LYPLAL1: variants seen among roughly 807,000 people sequenced by gnomAD.
LYPLAL1 encodes the protein lysophospholipase-like protein 1.
A neutral mutation model predicts 19.7 loss-of-function variants in LYPLAL1; 23 were observed. That is an observed-to-expected ratio of 1.17 (90% CI 0.84 to 1.65). The LOEUF (loss-of-function observed/expected upper bound fraction) is 1.65, where lower values mean the gene tolerates loss of function less well. LYPLAL1 is among the 40% of genes most tolerant of loss of function. The pLI, the probability that LYPLAL1 is intolerant of heterozygous loss-of-function variation, is 0.00. For missense variants in LYPLAL1, 355 were observed against 279.4 expected (o/e 1.27, Z -1.93); for synonymous variants, 119 against 96.3 (o/e 1.24, Z -1.38).
the LYPLAL1 span, among the ~76,000 whole-genome samples, chr1:219,320,869 T>G: frequency 3.3e-5 from 5 of 152,374 alleles, no homozygotes; most frequent in East Asian, 1.9e-4. Flanking sequence ...GTTCCAAGTC[T>G]TTGCTATTGT....
chr1:219,229,321 GAGAGAGAGAGAGA>G, the LYPLAL1 span, among the ~76,000 whole-genome samples: 1 of 145,682 alleles, frequency 6.9e-6, no homozygotes, highest in Non-Finnish European at 1.5e-5. Flanking sequence ...GAGAGAGAGA[GAGAGAGAGAGAGA>G]GAGACACGCA....
intron 3 of LYPLAL1, among the ~76,000 whole-genome samples, chr1:219,196,061 T>A (rs1351985361): frequency 6.6e-6 from 1 of 152,226 alleles, no homozygotes; most frequent in Non-Finnish European, 1.5e-5. Flanking sequence ...TACCACATTT[T>A]CTTTACCCAG....
chr1:219,338,771 G>A, the LYPLAL1 span, among the ~76,000 whole-genome samples: 2 of 151,796 alleles, frequency 1.3e-5, no homozygotes, highest in Non-Finnish European at 2.9e-5. Flanking sequence ...GTAACTCCAT[G>A]CCTTAGATAT....
the LYPLAL1 span, among the ~76,000 whole-genome samples, chr1:219,368,177 G>C: frequency 1.3e-5 from 2 of 152,242 alleles, no homozygotes; most frequent in East Asian, 1.9e-4. Flanking sequence ...GAGTGACTTG[G>C]AATGCATAAT....
At chr1:219,245,252 T>C in the LYPLAL1 span, among the ~76,000 whole-genome samples, 1 of 148,432 alleles carries the variant, frequency 6.7e-6, no homozygotes, top group East Asian at 2.0e-4. Flanking sequence ...TTCAGATCCT[T>C]AGAGGGAGCT....
Position 219,186,041 on chromosome 1 carries a change from G to A in LYPLAL1, c.191+6795G>A, listed in dbSNP as rs376882394. Among the ~76,000 whole-genome samples the A allele has an allele frequency of 5.9e-5, 9 of 151,868 alleles. 1 individual carries two copies. In the South Asian group the frequency reaches 1.2e-3, roughly 21 times the overall value. ...TTTCTGGCCAGTTATGGAAAATTTAGTTCTGGGACCTATATAACCCCATGG... is the reference window on the plus strand; with the variant it reads ...TTTCTGGCCAGTTATGGAAAATTTAATTCTGGGACCTATATAACCCCATGG... On this transcript the variant is annotated intron_variant, in intron 2 of 4. Transcript: ENST00000366928.
At chr1:219,381,075 C>T in the LYPLAL1 span, among the ~76,000 whole-genome samples, 1 of 152,164 alleles carries the variant, frequency 6.6e-6, no homozygotes, top group Non-Finnish European at 1.5e-5. Flanking sequence ...CCACCCAAAT[C>T]TCATCTTGAA....
At chr1:219,300,772 G>A in the LYPLAL1 span, among the ~76,000 whole-genome samples, 49,058 of 151,520 alleles carry the variant, frequency 0.32, 8,402 homozygotes, top group East Asian at 0.61. Context: ...CCTGACCTCG[G>A]GATCCGCCTG....
intron 2 of LYPLAL1, among the ~76,000 whole-genome samples, chr1:219,182,467 AAG>A (rs1190150617): frequency 2.0e-5 from 3 of 152,120 alleles, no homozygotes; most frequent in Admixed American, 1.3e-4. Context: ...TGCTGCTAAT[AAG>A]AGAGATTCTG....
At chr1:219,351,210 T>G in the LYPLAL1 span, among the ~76,000 whole-genome samples, 6 of 151,988 alleles carry the variant, frequency 3.9e-5, no homozygotes, top group Non-Finnish European at 1.5e-5. Context: ...AGACAATACA[T>G]AGTAATTCTC....
At chr1:219,259,790 A>AT in the LYPLAL1 span, among the ~76,000 whole-genome samples, 1 of 151,618 alleles carries the variant, frequency 6.6e-6, no homozygotes, top group African/African-American at 2.4e-5. Flanking sequence ...GAAATAAAAA[A>AT]ATATATAAAT....
At chr1:219,233,855 CAATAAT>C in the LYPLAL1 span, among the ~76,000 whole-genome samples, 3 of 151,924 alleles carry the variant, frequency 2.0e-5, no homozygotes, top group Admixed American at 6.6e-5. Context: ...AGTCAGATAT[CAATAAT>C]AATAAAGAAA....
chr1:219,361,665 A>G, the LYPLAL1 span, among the ~76,000 whole-genome samples: 9 of 152,142 alleles, frequency 5.9e-5, no homozygotes, highest in Non-Finnish European at 1.3e-4. Context: ...TTTTTCAGTG[A>G]GGCCTTATTT....
At chr1:219,366,940 G>T in the LYPLAL1 span, among the ~76,000 whole-genome samples, 7 of 151,528 alleles carry the variant, frequency 4.6e-5, no homozygotes, top group Non-Finnish European at 1.5e-5. Flanking sequence ...TTATCCCTTG[G>T]TCACAACTTT....
chr1:219,276,512 G>A, the LYPLAL1 span, among the ~76,000 whole-genome samples: 1 of 152,196 alleles, frequency 6.6e-6, no homozygotes, highest in Non-Finnish European at 1.5e-5. Context: ...GGTAAATTGA[G>A]CAAAAACGCT....
the LYPLAL1 span, among the ~76,000 whole-genome samples, chr1:219,227,641 A>G: frequency 6.6e-6 from 1 of 152,178 alleles, no homozygotes; most frequent in South Asian, 2.1e-4. Context: ...TTTAGATTGC[A>G]TAGGACTTGG....
chr1:219,179,118 A>G (rs1441572348), intron 1 of LYPLAL1, 29 bp from the exon 2 acceptor site: 20 of 1,479,492 alleles, frequency 1.4e-5, no homozygotes, highest in Non-Finnish European at 1.7e-5. Flanking sequence ...TAAAATATTT[A>G]TTTTAATCTA....
At chr1:219,200,142 A>G (rs1657979560) in intron 3 of LYPLAL1, 2 of 233,742 alleles carry the variant, frequency 8.6e-6, no homozygotes, top group Admixed American at 4.0e-5. Flanking sequence ...TGTCCCTGAA[A>G]CTCTTCTACA....
chr1:219,273,678 C>A, the LYPLAL1 span, among the ~76,000 whole-genome samples: 5 of 152,306 alleles, frequency 3.3e-5, no homozygotes, highest in East Asian at 9.6e-4. Flanking sequence ...TCTTTCTTCT[C>A]AAAAGGAATT....
Sources: gnomAD v4.1 joint callset for allele counts (sites outside exome capture counted in the v4.1 genomes callset) on GRCh38, gnomAD v4.1.1 for gene constraint, MANE v1.5 for transcripts, NCBI Gene and HGNC (gene_info 2026-07-23, HGNC 2026-07-21) for gene names.